Variants in FHIT observed in about 807,000 individuals in gnomAD.
FHIT encodes fragile histidine triad diadenosine triphosphatase, also known as bis(5'-adenosyl)-triphosphatase.
Under a neutral mutation model 17.9 loss-of-function variants are expected in FHIT, and 19 were observed. That is an observed-to-expected ratio of 1.06 (90% CI 0.74 to 1.56). The LOEUF is 1.56. Among genes scored for constraint, FHIT ranks in the 40% most tolerant of loss-of-function variants. The pLI is 0.00. For missense variants in FHIT, 248 were observed against 189.2 expected, an observed-to-expected ratio of 1.31 and a Z score of -1.82; for synonymous variants, 81 against 69.7, an observed-to-expected ratio of 1.16 and a Z score of -0.81.
At chr3:61,210,723 G>T (rs1327953754) in intron 1 of FHIT, among the ~76,000 whole-genome samples, 1 of 152,040 alleles carries the variant, frequency 6.6e-6, no homozygotes, top group African/African-American at 2.4e-5. Flanking sequence ...CTTTTACTAG[G>T]AAAGGGAATT....
chr3:60,584,195 C>T (rs978175659), intron 4 of FHIT, among the ~76,000 whole-genome samples: 42 of 152,018 alleles, frequency 2.8e-4, no homozygotes, highest in African/African-American at 7.2e-4. Context: ...TTTTGTGAGC[C>T]AGTTGACATG....
At chr3:61,077,460 TAAAA>T (rs896954017) in intron 2 of FHIT, among the ~76,000 whole-genome samples, 2 of 151,084 alleles carry the variant, frequency 1.3e-5, no homozygotes, top group Middle Eastern at 3.4e-3. Context: ...AGTCAATTAT[TAAAA>T]AAAACAAACA....
At chr3:59,994,270 T>C (rs1024195178) in intron 7 of FHIT, among the ~76,000 whole-genome samples, 29 of 152,142 alleles carry the variant, frequency 1.9e-4, no homozygotes, top group East Asian at 5.8e-4. Context: ...TCAATGCAAA[T>C]AGATGCTCAT....
At chr3:60,717,003 G>T in intron 4 of FHIT, among the ~76,000 whole-genome samples, 1 of 152,200 alleles carries the variant, frequency 6.6e-6, no homozygotes, top group East Asian at 1.9e-4. Flanking sequence ...CAACACGAAT[G>T]AACCTGGGGA....
intron 5 of FHIT, among the ~76,000 whole-genome samples, chr3:60,060,635 G>T (rs1049671531): frequency 9.8e-5 from 15 of 152,292 alleles, no homozygotes; most frequent in Admixed American, 7.8e-4. Context: ...AAGCAGCTTA[G>T]TAGGAGAAAA....
chr3:60,484,477 G>A (rs576744526), intron 5 of FHIT, among the ~76,000 whole-genome samples: 2 of 152,250 alleles, frequency 1.3e-5, no homozygotes, highest in East Asian at 1.9e-4. Flanking sequence ...CAGAGATATA[G>A]ACCAATGGAA....
intron 1 of FHIT, among the ~76,000 whole-genome samples, chr3:61,241,093 T>A (rs2040362999): frequency 6.6e-6 from 1 of 152,110 alleles, no homozygotes; most frequent in South Asian, 2.1e-4. Flanking sequence ...AACAAAATAT[T>A]CCCCTCTCTC....
intron 1 of FHIT, among the ~76,000 whole-genome samples, chr3:61,204,173 A>G (rs2039128276): frequency 6.6e-6 from 1 of 152,204 alleles, no homozygotes; most frequent in Non-Finnish European, 1.5e-5. Context: ...AATATAAAGT[A>G]TAAGTGGTAC....
intron 4 of FHIT, chr3:60,732,099 T>C (rs782505153): frequency 1.5e-6 from 1 of 655,762 alleles, no homozygotes. Flanking sequence ...TCTCCTGAGC[T>C]ACAGAAGGAA....
rs185931616 is a variant in FHIT, at chr3:60,244,100, A to G, written c.104-229948T>C. On this transcript the variant is annotated intron_variant, in intron 5 of 9. Transcript: ENST00000492590. ...TTCCCATCAAGCCAGTATATATATT[A>G]AAAGTGGCTTTTCTGATCACAGCAA... Among the ~76,000 whole-genome samples, 27 of 152,272 alleles carry G rather than the reference A, an allele frequency of 1.8e-4. 1 individual carries two copies. The highest frequency in any genetic ancestry group is 6.3e-4 in the African/African-American group (26 of 41,572).
chr3:60,187,228 T>A (rs959161411), intron 5 of FHIT, among the ~76,000 whole-genome samples: 3 of 152,142 alleles, frequency 2.0e-5, no homozygotes, highest in African/African-American at 7.2e-5. Flanking sequence ...TGAAACCCCC[T>A]AATGTCAAAC....
intron 5 of FHIT, among the ~76,000 whole-genome samples, chr3:60,024,540 G>A (rs563615938): frequency 1.3e-5 from 2 of 152,248 alleles, no homozygotes; most frequent in South Asian, 4.2e-4. Context: ...CGACTACCTG[G>A]CAAGTACTAT....
chr3:61,050,576 T>A (rs377472238), intron 2 of FHIT, among the ~76,000 whole-genome samples: 3 of 152,186 alleles, frequency 2.0e-5, no homozygotes, highest in African/African-American at 7.2e-5. Context: ...AGATATCTAC[T>A]GAAGAATTTT....
intron 1 of FHIT, among the ~76,000 whole-genome samples, chr3:61,235,075 G>A (rs1180732634): frequency 6.6e-6 from 1 of 152,162 alleles, no homozygotes; most frequent in Non-Finnish European, 1.5e-5. Flanking sequence ...AAAAATGAAT[G>A]TTAATTTGCT....
chr3:60,072,239 T>C (rs1702807553), intron 5 of FHIT, among the ~76,000 whole-genome samples: 1 of 152,190 alleles, frequency 6.6e-6, no homozygotes, highest in Non-Finnish European at 1.5e-5. Context: ...TTCGGATACA[T>C]TAACCCTAGC....
At chr3:60,621,868 C>G (rs1361609830) in intron 4 of FHIT, among the ~76,000 whole-genome samples, 1 of 98,610 alleles carries the variant, frequency 1.0e-5, no homozygotes, top group African/African-American at 3.5e-5. Context: ...GTGAGACACT[C>G]TCCAAAAAAA....
chr3:60,977,777 A>G (rs568725459), intron 3 of FHIT, among the ~76,000 whole-genome samples: 2 of 152,288 alleles, frequency 1.3e-5, no homozygotes, highest in African/African-American at 4.8e-5. Flanking sequence ...AGGCTGGGGC[A>G]GGAGAATCAC....
chr3:59,987,262 A>G, intron 7 of FHIT, among the ~76,000 whole-genome samples: 1 of 151,286 alleles, frequency 6.6e-6, no homozygotes, highest in Admixed American at 6.6e-5. Flanking sequence ...TTTTCATCAT[A>G]CTAGCTATTT....
intron 2 of FHIT, among the ~76,000 whole-genome samples, chr3:61,149,815 G>A (rs2037332754): frequency 6.6e-6 from 1 of 152,128 alleles, no homozygotes; most frequent in Admixed American, 6.6e-5. Context: ...AGGAGTTAGA[G>A]GCTGCAATGG....
Sources: allele counts gnomAD v4.1 joint callset (sites outside exome capture counted in the v4.1 genomes callset), GRCh38; gene constraint gnomAD v4.1.1; transcripts MANE v1.5; gene names NCBI Gene and HGNC (gene_info 2026-07-23, HGNC 2026-07-21).